The following MRC2 variants were observed in gnomAD, a reference collection of about 807,000 sequenced individuals.
The protein encoded by MRC2 is C-type mannose receptor 2.
Under a neutral mutation model 206.2 loss-of-function variants are expected in MRC2, and 84 were observed. The observed-to-expected ratio is 0.41, with a 90% confidence interval of 0.34 to 0.49. The LOEUF is 0.49. Ranked by LOEUF, MRC2 falls within the 20% of genes least tolerant of loss-of-function variation. MRC2 has a pLI of 0.31. For missense variants in MRC2, 1,676 were observed against 2,001.5 expected, an observed-to-expected ratio of 0.84 and a Z score of 3.10; for synonymous variants, 798 against 800.0, an observed-to-expected ratio of 1.00 and a Z score of 0.04.
chr17:62,645,755 G>T (rs576112924), intron 1 of MRC2, among the ~76,000 whole-genome samples: 6 of 151,128 alleles, frequency 4.0e-5, no homozygotes, highest in Non-Finnish European at 7.4e-5. Context: ...GCCCAGGCTG[G>T]TCTCAAACTC....
In MRC2 at chr17:62,692,712, C is replaced by T; in HGVS notation, c.*261C>T. 1 of 444,958 alleles carries T rather than the reference C, an allele frequency of 2.2e-6. No homozygotes were observed. The highest frequency in any genetic ancestry group is 4.1e-6 in the Non-Finnish European group (1 of 242,546). 27.6% of individuals were successfully genotyped at this position (444,958 alleles called of 1,614,324 possible). A position where few individuals can be genotyped will look rare whatever the true frequency, so the allele number is the denominator to read the frequency against. ...GGTCTTGTCACCTGGTCCTGTGCCC[C>T]CACAGGAACCAGAGGTAGGATGGGA... is the stretch of plus-strand genomic sequence containing the variant. On this transcript the variant is annotated 3_prime_UTR_variant, in exon 30 of 30. Coordinates refer to ENST00000303375, the MANE Select transcript of MRC2 (RefSeq NM_006039.5). This position sits in a 1 kb window ranked among gnomAD's most constrained non-coding sequence, Gnocchi z 4.2.
chr17:62,636,881 A>G (rs2088327782), intron 1 of MRC2, among the ~76,000 whole-genome samples: 1 of 150,330 alleles, frequency 6.7e-6, no homozygotes, highest in Non-Finnish European at 1.5e-5. Context: ...TGCTGGGATT[A>G]CAGGCACAAA....
chr17:62,679,639 A>T, intron 13 of MRC2, 161 bp from the exon 14 acceptor site: 1 of 589,000 alleles, frequency 1.7e-6, no homozygotes, highest in Non-Finnish European at 3.0e-6. Flanking sequence ...TACCGAAGTG[A>T]CCTCAACGCT....
intron 24 of MRC2, 52 bp from the exon 25 acceptor site, chr17:62,689,842 C>A: frequency 6.4e-7 from 1 of 1,553,860 alleles, no homozygotes; most frequent in African/African-American, 1.4e-5. Context: ...GCCTTATCCG[C>A]ACCCTATCCT....
chr17:62,629,270 C>T (rs1037600362), intron 1 of MRC2, among the ~76,000 whole-genome samples: 10 of 152,224 alleles, frequency 6.6e-5, no homozygotes, highest in Non-Finnish European at 1.2e-4. Context: ...GATGGCCATT[C>T]CCAGAGCTCC....
chr17:62,638,490 A>C (rs2088355188), intron 1 of MRC2, among the ~76,000 whole-genome samples: 1 of 152,212 alleles, frequency 6.6e-6, no homozygotes, highest in Non-Finnish European at 1.5e-5. Flanking sequence ...CTATAATCCC[A>C]GCCCTTTGGG....
At chr17:62,631,989 T>C (rs2084219641) in intron 1 of MRC2, among the ~76,000 whole-genome samples, 1 of 152,114 alleles carries the variant, frequency 6.6e-6, no homozygotes, top group Non-Finnish European at 1.5e-5. Context: ...GCACTGCTGA[T>C]AGGAAGCGTG....
At chr17:62,691,559 CAG>C (rs1379389319) in intron 28 of MRC2, among the ~76,000 whole-genome samples, 1 of 152,028 alleles carries the variant, frequency 6.6e-6, no homozygotes, top group African/African-American at 2.4e-5. Context: ...CACTTGAGGT[CAG>C]GGGTTCAAGA....
chr17:62,680,035 A>G lies in MRC2; in HGVS notation c.2298+133A>G. On this transcript the variant is annotated intron_variant, in intron 14 of 29. Transcript: ENST00000303375. The surrounding 1 kb of genome is among the most constrained non-coding windows in gnomAD (Gnocchi z 4.8). ...CAGTCGGAGCCGGCTTCAGGAAAGC[A>G]GGTCCGAGAGGGGTCACCCGGCCCC... 6.7e-7 allele frequency: 1 copy of G among 1,501,348 alleles called. No homozygotes were observed. Among genetic ancestry groups the G allele is most frequent in the East Asian group, 2.3e-5 (1 of 43,740 alleles). The allele number at this position is 1,501,348 out of a possible 1,614,324, so 93.0% of individuals were successfully genotyped here. A position where few individuals can be genotyped will look rare whatever the true frequency, so the allele number is the denominator to read the frequency against.
At chr17:62,655,730 AAAAAAAAAG>A (rs2088611042) in intron 1 of MRC2, among the ~76,000 whole-genome samples, 1 of 151,954 alleles carries the variant, frequency 6.6e-6, no homozygotes, top group African/African-American at 2.4e-5. Flanking sequence ...TTAAAAAAAA[AAAAAAAAAG>A]AAAAAGAAAA....
intron 1 of MRC2, among the ~76,000 whole-genome samples, chr17:62,663,841 A>G: frequency 6.6e-6 from 1 of 152,096 alleles, no homozygotes; most frequent in East Asian, 1.9e-4. Context: ...AAACCACGCC[A>G]TGTAATAGAG....
At position 62,680,737 on chromosome 17, in the gene MRC2, C is replaced by T. The variant is rs1002615835; in HGVS notation, c.2474-63C>T. 3 of 1,429,930 alleles carry T rather than the reference C, an allele frequency of 2.1e-6. No homozygotes were observed. The highest frequency in any genetic ancestry group is 1.8e-6 in the Non-Finnish European group (2 of 1,096,418). The allele number at this position is 1,429,930 out of a possible 1,614,324, so 88.6% of individuals were successfully genotyped here. ...TCTGCCCCGGCCCTGCCGCGCCCGC[C>T]TCCGGGGCCTGGCGTGCAGCCTCTG... is the stretch of plus-strand genomic sequence containing the variant. On this transcript the variant is annotated intron_variant, in intron 16 of 29. Coordinates refer to ENST00000303375, the MANE Select transcript of MRC2 (RefSeq NM_006039.5). The surrounding 1 kb of genome is among the most constrained non-coding windows in gnomAD (Gnocchi z 4.8).
rs2088835894 is a variant in MRC2, at chr17:62,672,297, C to G, written c.1461+145C>G. On this transcript the variant is annotated intron_variant, in intron 8 of 29. Coordinates refer to ENST00000303375, the MANE Select transcript of MRC2 (RefSeq NM_006039.5). The surrounding 1 kb of genome is among the most constrained non-coding windows in gnomAD (Gnocchi z 4.5). ...GCAGTCCCCCTCCTCCCCACCAATG[C>G]CTTCCCTTCCATGTGAGAGACTGCC... 9.7e-6 allele frequency: 9 copies of G among 926,658 alleles called. No homozygotes were observed. The highest frequency in any genetic ancestry group is 1.1e-5 in the Non-Finnish European group (7 of 614,134). 57.4% of individuals were successfully genotyped at this position (926,658 alleles called of 1,614,324 possible). A position where few individuals can be genotyped will look rare whatever the true frequency, so the allele number is the denominator to read the frequency against.
chr17:62,656,493 C>G (rs2088620852), intron 1 of MRC2, among the ~76,000 whole-genome samples: 1 of 152,234 alleles, frequency 6.6e-6, no homozygotes, highest in Non-Finnish European at 1.5e-5. Context: ...TGCCCAGCAT[C>G]TGGTTCATTT....
In MRC2 at chr17:62,688,285, A is replaced by T; in HGVS notation, c.2947-4A>T. ...GCCATTACATCCCCACCTCTGCCCC[A>T]CAGTGTTTTCAGGTCCAGGGCCAGG... On this transcript the variant is annotated splice_region_variant and splice_polypyrimidine_tract_variant and intron_variant, in intron 20 of 29. Transcript: ENST00000303375. 6.2e-7 allele frequency: 1 copy of T among 1,613,668 alleles called. No individual in the cohort carries two copies. Among genetic ancestry groups the T allele is most frequent in the Non-Finnish European group, 8.5e-7 (1 of 1,179,796 alleles).
At chr17:62,653,577 A>G (rs2088583717) in intron 1 of MRC2, among the ~76,000 whole-genome samples, 1 of 152,152 alleles carries the variant, frequency 6.6e-6, no homozygotes, top group Non-Finnish European at 1.5e-5. Context: ...GGAGAAAAGC[A>G]TCTCTGGAAA....
intron 1 of MRC2, among the ~76,000 whole-genome samples, chr17:62,661,317 T>G (rs1193182400): frequency 6.6e-6 from 1 of 152,178 alleles, no homozygotes; most frequent in Non-Finnish European, 1.5e-5. Flanking sequence ...TGTTGTTGTT[T>G]TTTTCCCTTT....
rs756994926 is a variant in MRC2 at position 62,672,190 on chromosome 17, A to G, written c.1461+38A>G. 1 of 1,611,668 alleles carries G rather than the reference A, an allele frequency of 6.2e-7. No homozygotes were observed. Among genetic ancestry groups the G allele is most frequent in the Non-Finnish European group, 8.5e-7 (1 of 1,178,612 alleles). ...TCTCCCTATCACAGGGCCACAAAAT[A>G]CACCCCCAACCTCCAGGTGCCACCC... On this transcript the variant is annotated intron_variant, in intron 8 of 29. Coordinates refer to ENST00000303375, the MANE Select transcript of MRC2 (RefSeq NM_006039.5). This position sits in a 1 kb window ranked among gnomAD's most constrained non-coding sequence, Gnocchi z 4.5.
chr17:62,676,759 G>A (rs2088898001), intron 11 of MRC2, among the ~76,000 whole-genome samples: 1 of 152,184 alleles, frequency 6.6e-6, no homozygotes, highest in African/African-American at 2.4e-5. Context: ...TGTCCAGTGG[G>A]AATAATGATC....
Sources: gnomAD v4.1 joint callset for allele counts (sites outside exome capture counted in the v4.1 genomes callset) on GRCh38, gnomAD v4.1.1 for gene constraint, Gnocchi (gnomAD v3.1) non-coding constraint, MANE v1.5 for transcripts, NCBI Gene and HGNC (gene_info 2026-07-23, HGNC 2026-07-21) for gene names.